PDE3B: variants seen among roughly 807,000 people sequenced by gnomAD.
PDE3B encodes the protein phosphodiesterase 3B.
A neutral mutation model predicts 116.8 loss-of-function variants in PDE3B; 66 were observed. The ratio of observed to expected loss-of-function variants is 0.56; its 90% CI spans 0.46 to 0.69. The LOEUF (loss-of-function observed/expected upper bound fraction) is 0.69. Among genes scored for constraint, PDE3B ranks in the 30% least tolerant of loss-of-function variants. PDE3B has a pLI of 0.00. For synonymous variants in PDE3B, 595 were observed against 533.6 expected (o/e 1.12, Z -1.59); for missense variants, 1,384 against 1,368.1 (o/e 1.01, Z -0.18).
At chr11:14,830,923 C>G in intron 8 of PDE3B, 77 bp downstream of exon 8, 1 of 992,500 alleles carries the variant, frequency 1.0e-6, no homozygotes, top group East Asian at 3.0e-5. Flanking sequence ...TACTTTTGCC[C>G]AGAACAAGAT....
chr11:14,718,675 G>A (rs1196450094), intron 1 of PDE3B, among the ~76,000 whole-genome samples: 38 of 150,080 alleles, frequency 2.5e-4, no homozygotes, highest in Non-Finnish European at 4.4e-5. Context: ...ATGACTACTG[G>A]GTACATAATG....
intron 4 of PDE3B, among the ~76,000 whole-genome samples, chr11:14,791,142 A>G (rs1008944951): frequency 1.4e-4 from 21 of 152,124 alleles, no homozygotes; most frequent in African/African-American, 4.8e-4. Context: ...GTGCAGCTCT[A>G]GATCTTTAAT....
rs1476155772 is a variant in PDE3B at position 14,716,139 on chromosome 11, G to C, written c.979-55798G>C. ...CAAGGGGTCAGGGAGTTCCCTTTCC[G>C]AGTCAAAGAAAGGGGTGACGGACGC... On this transcript the variant is annotated intron_variant, in intron 1 of 15. Coordinates refer to ENST00000282096, the MANE Select transcript of PDE3B (RefSeq NM_000922.4). Among the ~76,000 whole-genome samples the C allele has an allele frequency of 9.2e-5, 14 of 152,012 alleles. No individual in the cohort carries two copies. In the East Asian group the frequency reaches 2.3e-3, roughly 25 times the overall value.
At position 14,819,147 on chromosome 11, in the gene PDE3B, A is replaced by G; in HGVS notation, c.1745A>G (p.Gln582Arg). 6.3e-7 allele frequency: 1 copy of G among 1,590,552 alleles called. No homozygotes were observed. Among genetic ancestry groups the G allele is most frequent in the Non-Finnish European group, 8.6e-7 (1 of 1,162,508 alleles). ...TTTTATTCTATAAGCTGTGGACATC[A>G]AATGCTGAAATATGTTTCAACATCT... is the stretch of plus-strand genomic sequence containing the variant. ...DSNLCNSCGH[Q>R]MLKYVSTSES... The change falls in exon 7 of 16, where the codon CAA (glutamine) becomes CGA (arginine). Residue 582 changes from glutamine (Q) to arginine (R), a missense_variant. By Grantham distance (43) the Gln-to-Arg change is conservative. Coordinates refer to ENST00000282096, the MANE Select transcript of PDE3B (RefSeq NM_000922.4).
the PDE3B span, among the ~76,000 whole-genome samples, chr11:14,899,013 C>T: frequency 6.6e-6 from 1 of 152,168 alleles, no homozygotes; most frequent in Non-Finnish European, 1.5e-5. Flanking sequence ...GCTGAGCCTG[C>T]ACAGATGTCT....
At chr11:14,739,000 T>C (rs1333841646) in intron 1 of PDE3B, among the ~76,000 whole-genome samples, 1 of 152,256 alleles carries the variant, frequency 6.6e-6, no homozygotes, top group Non-Finnish European at 1.5e-5. Context: ...TTTTGGTTAC[T>C]GTAGCCTTGT....
At chr11:14,844,105 C>T in intron 12 of PDE3B, 79 bp downstream of exon 12, 1 of 1,019,190 alleles carries the variant, frequency 9.8e-7, no homozygotes, top group South Asian at 1.4e-5. Flanking sequence ...ATAAATCATT[C>T]AGTTGAATCA....
At chr11:14,875,308 C>T (rs1001711308), downstream of PDE3B, among the ~76,000 whole-genome samples, 1 of 152,150 alleles carries the variant, frequency 6.6e-6, no homozygotes, top group Non-Finnish European at 1.5e-5. Context: ...TTTTTCCATT[C>T]ACCTTCCATC....
intron 12 of PDE3B, among the ~76,000 whole-genome samples, chr11:14,853,300 A>G (rs1456452693): frequency 6.6e-6 from 1 of 152,186 alleles, no homozygotes; most frequent in Non-Finnish European, 1.5e-5. Context: ...TCTCAATGGA[A>G]TATAAAGTTC....
chr11:14,860,094 T>C (rs782504748), intron 13 of PDE3B, among the ~76,000 whole-genome samples: 1 of 152,204 alleles, frequency 6.6e-6, no homozygotes, highest in Non-Finnish European at 1.5e-5. Context: ...AATGAAATGC[T>C]TATAAAAATC....
chr11:14,819,495 A>T (rs1200448347), intron 7 of PDE3B, among the ~76,000 whole-genome samples: 1 of 152,182 alleles, frequency 6.6e-6, no homozygotes, highest in Non-Finnish European at 1.5e-5. Flanking sequence ...TGAAATTTGT[A>T]GTGCACAATC....
intron 4 of PDE3B, among the ~76,000 whole-genome samples, chr11:14,797,892 T>A (rs1211296858): frequency 6.6e-6 from 1 of 152,198 alleles, no homozygotes; most frequent in East Asian, 1.9e-4. Context: ...ACAATTTGAC[T>A]TCCTCTCCTC....
intron 11 of PDE3B, among the ~76,000 whole-genome samples, chr11:14,839,855 G>A (rs533060966): frequency 2.0e-5 from 3 of 152,272 alleles, no homozygotes; most frequent in African/African-American, 7.2e-5. Flanking sequence ...GCCAGAAGAT[G>A]AGAGATGAGA....
intron 1 of PDE3B, among the ~76,000 whole-genome samples, chr11:14,741,729 G>A (rs1856779612): frequency 6.6e-6 from 1 of 152,104 alleles, no homozygotes; most frequent in African/African-American, 2.4e-5. Flanking sequence ...GCTGGTACTG[G>A]TTGTTCCTTT....
intron 1 of PDE3B, among the ~76,000 whole-genome samples, chr11:14,721,954 C>G (rs1267639643): frequency 6.9e-6 from 1 of 145,818 alleles, no homozygotes; most frequent in Non-Finnish European, 1.5e-5. Context: ...AAATGTGGCA[C>G]ATATACACCA....
intron 13 of PDE3B, among the ~76,000 whole-genome samples, chr11:14,860,920 T>C (rs1014321302): frequency 1.9e-3 from 286 of 150,058 alleles, no homozygotes; most frequent in African/African-American, 5.7e-3. Flanking sequence ...TATATATATA[T>C]ACACACACAC....
At chr11:14,886,428 A>C in the PDE3B span, 1 of 159,182 alleles carries the variant, frequency 6.3e-6, no homozygotes, top group African/African-American at 2.4e-5. Context: ...ATTGTAACTA[A>C]GCCCATTTGT....
chr11:14,734,001 A>G (rs1358197353), intron 1 of PDE3B, among the ~76,000 whole-genome samples: 1 of 152,248 alleles, frequency 6.6e-6, no homozygotes, highest in Non-Finnish European at 1.5e-5. Context: ...CCGACTAAAA[A>G]CAAATTAAGT....
chr11:14,654,926 ATAAT>A (rs771169772), intron 1 of PDE3B, among the ~76,000 whole-genome samples: 6 of 146,482 alleles, frequency 4.1e-5, no homozygotes, highest in Non-Finnish European at 8.9e-5. Flanking sequence ...AGGAGACCAA[ATAAT>A]TAATATCAGA....
Sources: gnomAD v4.1 joint callset for allele counts (sites outside exome capture counted in the v4.1 genomes callset) on GRCh38, gnomAD v4.1.1 for gene constraint, MANE v1.5 for transcripts, NCBI Gene and HGNC (gene_info 2026-07-23, HGNC 2026-07-21) for gene names.